TBC1D1: variants seen among roughly 807,000 people sequenced by gnomAD.
TBC1D1 encodes TBC1 (tre-2/USP6, BUB2, cdc16) domain family, member 1.
In TBC1D1, 89 loss-of-function variants were observed where a neutral mutation model predicts 125.6. That is an observed-to-expected ratio of 0.71 (90% CI 0.60 to 0.85). TBC1D1 has a LOEUF of 0.85. Among genes scored for constraint, TBC1D1 ranks in the 40% least tolerant of loss-of-function variants. The pLI, the probability that TBC1D1 is intolerant of heterozygous loss-of-function variation, is 0.00. For missense variants in TBC1D1, 1,377 were observed against 1,469.2 expected (o/e 0.94, Z 1.03); for synonymous variants, 565 against 564.1 (o/e 1.00, Z -0.02).
intron 2 of TBC1D1, among the ~76,000 whole-genome samples, chr4:37,939,345 T>G (rs889780569): frequency 6.6e-6 from 1 of 152,260 alleles, no homozygotes; most frequent in Non-Finnish European, 1.5e-5. Flanking sequence ...TGTCTGTTCC[T>G]ATCCTTTGCC....
chr4:38,082,080 CT>C (rs1339776607), intron 12 of TBC1D1, among the ~76,000 whole-genome samples: 2 of 152,192 alleles, frequency 1.3e-5, no homozygotes, highest in African/African-American at 4.8e-5. Flanking sequence ...GACGTCGGAC[CT>C]CTTTAAGCTT....
chr4:37,947,764 G>A (rs945160494), intron 2 of TBC1D1, among the ~76,000 whole-genome samples: 1 of 152,182 alleles, frequency 6.6e-6, no homozygotes, highest in African/African-American at 2.4e-5. Context: ...AGACAAAGTA[G>A]AGGGAAGGAT....
At chr4:37,998,269 G>A (rs991935443) in intron 2 of TBC1D1, among the ~76,000 whole-genome samples, 6 of 152,180 alleles carry the variant, frequency 3.9e-5, no homozygotes, top group African/African-American at 7.2e-5. Flanking sequence ...TGTCTCCAGC[G>A]ACTGTCTTCT....
intron 12 of TBC1D1, among the ~76,000 whole-genome samples, chr4:38,060,839 T>C (rs1046011999): frequency 2.0e-5 from 3 of 152,206 alleles, no homozygotes; most frequent in African/African-American, 4.8e-5. Context: ...GTTCTGAAGT[T>C]CTAACAAGCT....
intron 2 of TBC1D1, among the ~76,000 whole-genome samples, chr4:38,002,371 G>A (rs1739250876): frequency 6.6e-6 from 1 of 152,010 alleles, no homozygotes. Flanking sequence ...AATACAAAAG[G>A]AATTACTCCC....
chr4:38,126,767 A>G (rs1200668430), intron 18 of TBC1D1, among the ~76,000 whole-genome samples: 1 of 152,136 alleles, frequency 6.6e-6, no homozygotes, highest in Non-Finnish European at 1.5e-5. Context: ...GAGAGGATAT[A>G]AAGTGGTTCA....
chr4:38,108,515 G>A (rs1313626158), intron 15 of TBC1D1, among the ~76,000 whole-genome samples: 3 of 152,218 alleles, frequency 2.0e-5, no homozygotes, highest in Non-Finnish European at 4.4e-5. Flanking sequence ...CCCTGCAAGA[G>A]TCTGATGATC....
chr4:38,027,326 C>T (rs1187300131), intron 6 of TBC1D1, among the ~76,000 whole-genome samples: 2 of 152,206 alleles, frequency 1.3e-5, no homozygotes, highest in African/African-American at 2.4e-5. Flanking sequence ...ACACTATTAT[C>T]GATGAAAATT....
chr4:38,048,290 T>G lies in TBC1D1; in HGVS notation c.1630-1328T>G, dbSNP rs555171227. Among the ~76,000 whole-genome samples the G allele has an allele frequency of 2.0e-5, 3 of 152,298 alleles. No individual in the cohort carries two copies. The South Asian group carries it at 6.2e-4, about 32-fold the overall frequency. Reference sequence around the variant, plus strand: ...TTGTCCAATTAAGCTAAGGGTTAGCTCTTTGATATGATTTGGAGGGATATT... The same window carrying G: ...TTGTCCAATTAAGCTAAGGGTTAGCGCTTTGATATGATTTGGAGGGATATT... On this transcript the variant is annotated intron_variant, in intron 10 of 19. Transcript: ENST00000261439.
At position 37,925,882 on chromosome 4, in the gene TBC1D1, C is replaced by A. The variant is rs1722007115; in HGVS notation, c.417+23370C>A. ...AGAAAAGATCAAAGTAGTTTGGTAT[C>A]AATTTACTCAATAAAACAAAAGAGA... On this transcript the variant is annotated intron_variant, in intron 2 of 19. Transcript: ENST00000261439. 2.0e-5 allele frequency among the ~76,000 whole-genome samples: 3 copies of A among 152,232 alleles called. No individual in the cohort carries two copies. The South Asian group carries it at 6.2e-4, about 31-fold the overall frequency.
At chr4:38,082,503 A>G (rs1348956817) in intron 12 of TBC1D1, among the ~76,000 whole-genome samples, 1 of 152,234 alleles carries the variant, frequency 6.6e-6, no homozygotes, top group Admixed American at 6.5e-5. Flanking sequence ...GTTGTCTTTA[A>G]TCAAGAACTG....
At chr4:38,081,066 G>A (rs953769503) in intron 12 of TBC1D1, among the ~76,000 whole-genome samples, 4 of 152,144 alleles carry the variant, frequency 2.6e-5, no homozygotes, top group Admixed American at 6.5e-5. Context: ...AGAGTTGCGT[G>A]GCTCCCGGGG....
intron 6 of TBC1D1, among the ~76,000 whole-genome samples, chr4:38,025,965 G>C (rs1322392764): frequency 6.6e-6 from 1 of 152,156 alleles, no homozygotes; most frequent in Non-Finnish European, 1.5e-5. Context: ...TGCTAGTCAG[G>C]GAGGGCAGTG....
intron 2 of TBC1D1, among the ~76,000 whole-genome samples, chr4:37,976,911 G>A (rs890307858): frequency 6.6e-6 from 1 of 152,194 alleles, no homozygotes; most frequent in Non-Finnish European, 1.5e-5. Flanking sequence ...AAGGTATTAG[G>A]GGCTGGGGAA....
At chr4:37,893,488 T>A (rs1041559282) in intron 1 of TBC1D1, among the ~76,000 whole-genome samples, 1 of 152,238 alleles carries the variant, frequency 6.6e-6, no homozygotes. Flanking sequence ...CATCTCTTGG[T>A]CATTAAACTT....
intron 2 of TBC1D1, among the ~76,000 whole-genome samples, chr4:37,922,575 G>A (rs746927928): frequency 5.3e-5 from 8 of 152,168 alleles, no homozygotes; most frequent in Admixed American, 2.0e-4. Flanking sequence ...ATCTGTACTC[G>A]TCTGAGACTC....
intron 2 of TBC1D1, among the ~76,000 whole-genome samples, chr4:37,904,163 G>A (rs1208736177): frequency 1.3e-5 from 2 of 152,140 alleles, no homozygotes; most frequent in African/African-American, 2.4e-5. Context: ...GGTAGCACTC[G>A]ACCTGAAACT....
rs185481404 is a variant in TBC1D1, at chr4:37,924,581, A to G, written c.417+22069A>G. 7.2e-5 allele frequency among the ~76,000 whole-genome samples: 11 copies of G among 152,282 alleles called. 1 individual carries two copies. The highest frequency in any genetic ancestry group is 2.6e-4 in the African/African-American group (11 of 41,552). On this transcript the variant is annotated intron_variant, in intron 2 of 19. Coordinates refer to ENST00000261439, the MANE Select transcript of TBC1D1 (RefSeq NM_015173.4). Reference sequence around the variant, plus strand: ...GGAAACCTCTTTTATTTCTGTCTCTATGAATTTGCCTATTCTAGGCACCTT... The same window carrying G: ...GGAAACCTCTTTTATTTCTGTCTCTGTGAATTTGCCTATTCTAGGCACCTT...
chr4:38,074,910 G>A (rs542220415), intron 12 of TBC1D1, among the ~76,000 whole-genome samples: 2 of 152,062 alleles, frequency 1.3e-5, no homozygotes, highest in East Asian at 1.9e-4. Flanking sequence ...GCAGGCACGC[G>A]CCACCATACT....
Sources: gnomAD v4.1 joint callset for allele counts (sites outside exome capture counted in the v4.1 genomes callset) on GRCh38, gnomAD v4.1.1 for gene constraint, MANE v1.5 for transcripts, NCBI Gene and HGNC (gene_info 2026-07-23, HGNC 2026-07-21) for gene names.